DCLK1: variants seen among roughly 807,000 people sequenced by gnomAD.
DCLK1 encodes the protein doublecortin like kinase 1, also known as serine/threonine-protein kinase DCLK1.
In DCLK1, 16 loss-of-function variants were observed where a neutral mutation model predicts 86.2. That is an observed-to-expected ratio of 0.19 (90% CI 0.13 to 0.28). DCLK1 has a LOEUF of 0.28. DCLK1 is among the 10% of genes least tolerant of loss of function. DCLK1 has a pLI of 1.00. For synonymous variants in DCLK1, 369 were observed against 370.5 expected (o/e 1.00, Z 0.05); for missense variants, 590 against 940.2 (o/e 0.63, Z 4.87).
chr13:35,907,482 A>C (rs1446353696), intron 4 of DCLK1, among the ~76,000 whole-genome samples: 1 of 152,092 alleles, frequency 6.6e-6, no homozygotes, highest in African/African-American at 2.4e-5. Context: ...CTTTATAATA[A>C]AACTCCCAAG....
In DCLK1 at chr13:36,100,368, G is replaced by T. The variant is rs183417361; in HGVS notation, c.723+11501C>A. ...TACTCTAGCCTGGGTGACAGAGTGA[G>T]ATCTTGTCTCAAACAAACAAACAAA... On this transcript the variant is annotated intron_variant, in intron 3 of 16. Coordinates refer to ENST00000360631, the MANE Select transcript of DCLK1 (RefSeq NM_001330071.2). 9.5e-4 allele frequency among the ~76,000 whole-genome samples: 144 copies of T among 152,016 alleles called. 1 individual carries two copies. Among genetic ancestry groups the T allele is most frequent in the African/African-American group, 3.4e-3 (141 of 41,474 alleles).
intron 3 of DCLK1, among the ~76,000 whole-genome samples, chr13:35,967,878 C>T (rs1311642481): frequency 6.6e-6 from 1 of 151,504 alleles, no homozygotes; most frequent in Non-Finnish European, 1.5e-5. Flanking sequence ...CAAAAGTTAG[C>T]TGGGCGGTGG....
chr13:36,027,496 G>A (rs2153152326), intron 3 of DCLK1, among the ~76,000 whole-genome samples: 1 of 152,258 alleles, frequency 6.6e-6, no homozygotes, highest in Non-Finnish European at 1.5e-5. Flanking sequence ...GCTAAGACAT[G>A]ATCTGGGAAA....
intron 6 of DCLK1, among the ~76,000 whole-genome samples, chr13:35,845,705 T>C (rs1470012621): frequency 2.0e-5 from 3 of 152,356 alleles, no homozygotes; most frequent in East Asian, 1.9e-4. Context: ...TATTTTGTTA[T>C]TACTGTCAGC....
chr13:35,919,433 G>T (rs1875653168), intron 4 of DCLK1, among the ~76,000 whole-genome samples: 2 of 152,086 alleles, frequency 1.3e-5, no homozygotes. Context: ...TTAAACAGGG[G>T]ATTGTTTCTT....
chr13:35,903,923 C>T (rs1289982708), intron 4 of DCLK1, among the ~76,000 whole-genome samples: 2 of 152,132 alleles, frequency 1.3e-5, no homozygotes, highest in African/African-American at 4.8e-5. Flanking sequence ...GAATTATATA[C>T]ATGAAAGAAT....
At chr13:35,869,550 T>G (rs1432125306) in intron 5 of DCLK1, among the ~76,000 whole-genome samples, 1 of 152,212 alleles carries the variant, frequency 6.6e-6, no homozygotes, top group Non-Finnish European at 1.5e-5. Flanking sequence ...ATCTCTGTCA[T>G]GCCAGTAAAT....
At chr13:36,128,312 A>G (rs1284347494) in intron 1 of DCLK1, among the ~76,000 whole-genome samples, 3 of 152,194 alleles carry the variant, frequency 2.0e-5, no homozygotes, top group Non-Finnish European at 4.4e-5. Context: ...ATTAATATTC[A>G]GGTGAATATG....
intron 2 of DCLK1, among the ~76,000 whole-genome samples, chr13:36,122,690 T>G (rs1886036291): frequency 6.6e-6 from 1 of 152,230 alleles, no homozygotes; most frequent in African/African-American, 2.4e-5. Flanking sequence ...TCAACTTTCC[T>G]TATTAAGCAT....
chr13:36,106,833 C>G (rs879799990), intron 3 of DCLK1, among the ~76,000 whole-genome samples: 1 of 152,070 alleles, frequency 6.6e-6, no homozygotes, highest in Non-Finnish European at 1.5e-5. Flanking sequence ...AGGTCAGATG[C>G]AATAATAATT....
intron 2 of DCLK1, among the ~76,000 whole-genome samples, chr13:36,119,472 T>C (rs993202676): frequency 1.3e-5 from 2 of 152,192 alleles, no homozygotes; most frequent in South Asian, 4.1e-4. Flanking sequence ...GCATCAAAGT[T>C]TCTTCCCGAA....
At chr13:35,847,495 T>C in intron 6 of DCLK1, 2 of 985,110 alleles carry the variant, frequency 2.0e-6, no homozygotes, top group Non-Finnish European at 2.4e-6. Flanking sequence ...TATAGATATA[T>C]GGCCACATAT....
chr13:35,777,588 GATCAGAGAAACTTCTCTTTGTAGAGCAGA>G (rs1228828557), intron 16 of DCLK1, among the ~76,000 whole-genome samples: 15 of 152,182 alleles, frequency 9.9e-5, no homozygotes, highest in African/African-American at 3.6e-4. Flanking sequence ...CCACATTGAT[GATCAGAGAAACTTCTCTTTGTAGAGCAGA>G]TAGGATCCAC....
chr13:35,816,471 G>GT (rs1490019121), intron 11 of DCLK1, among the ~76,000 whole-genome samples: 5 of 152,174 alleles, frequency 3.3e-5, no homozygotes, highest in Non-Finnish European at 5.9e-5. Context: ...AATCCCAACA[G>GT]TTACTATTAC....
intron 3 of DCLK1, among the ~76,000 whole-genome samples, chr13:36,106,009 A>G (rs764443116): frequency 1.3e-5 from 2 of 152,222 alleles, no homozygotes; most frequent in Non-Finnish European, 2.9e-5. Flanking sequence ...AAATGCTCTC[A>G]GCACACTATG....
chr13:35,907,126 C>G (rs1265345607), intron 4 of DCLK1, among the ~76,000 whole-genome samples: 1 of 150,664 alleles, frequency 6.6e-6, no homozygotes, highest in Admixed American at 6.6e-5. Flanking sequence ...TGCCAGTGAG[C>G]TTTCTTCCAC....
chr13:35,859,997 C>T (rs914373720), intron 5 of DCLK1, among the ~76,000 whole-genome samples: 1 of 152,222 alleles, frequency 6.6e-6, no homozygotes, highest in Non-Finnish European at 1.5e-5. Context: ...CCAAGCGAGA[C>T]TATCTAATTA....
At chr13:36,064,645 G>A (rs1449944254) in intron 3 of DCLK1, among the ~76,000 whole-genome samples, 3 of 142,990 alleles carry the variant, frequency 2.1e-5, no homozygotes, top group African/African-American at 5.1e-5. Flanking sequence ...GCGACAGAGT[G>A]AGACTCCGTC....
At chr13:35,998,718 G>A (rs752935596) in intron 3 of DCLK1, among the ~76,000 whole-genome samples, 1 of 152,126 alleles carries the variant, frequency 6.6e-6, no homozygotes, top group Non-Finnish European at 1.5e-5. Context: ...TTGTGATTAT[G>A]CTTTTCAAAA....
Sources: allele counts gnomAD v4.1 joint callset (sites outside exome capture counted in the v4.1 genomes callset), GRCh38; gene constraint gnomAD v4.1.1; transcripts MANE v1.5; gene names NCBI Gene and HGNC (gene_info 2026-07-23, HGNC 2026-07-21).